The following LRP1B variants were observed in gnomAD, a reference collection of about 807,000 sequenced individuals.
The protein encoded by LRP1B is low-density lipoprotein receptor-related protein 1B.
A neutral mutation model predicts 556.6 loss-of-function variants in LRP1B; 217 were observed. That is an observed-to-expected ratio of 0.39 (90% CI 0.35 to 0.44). The LOEUF (loss-of-function observed/expected upper bound fraction) is 0.44, where lower values mean the gene tolerates loss of function less well. LRP1B is among the 20% of genes least tolerant of loss of function. LRP1B has a pLI of 1.00. For synonymous variants in LRP1B, 2,047 were observed against 1,865.8 expected, an observed-to-expected ratio of 1.10 and a Z score of -2.50; for missense variants, 5,053 against 5,620.8, an observed-to-expected ratio of 0.90 and a Z score of 3.23.
At chr2:141,763,508 C>G (rs1440332305) in intron 2 of LRP1B, among the ~76,000 whole-genome samples, 1 of 152,070 alleles carries the variant, frequency 6.6e-6, no homozygotes, top group African/African-American at 2.4e-5. Context: ...AAACAGAACA[C>G]AAGTATCTCT....
chr2:142,099,788 A>G (rs1706507413), intron 1 of LRP1B, among the ~76,000 whole-genome samples: 1 of 151,936 alleles, frequency 6.6e-6, no homozygotes, highest in Non-Finnish European at 1.5e-5. Context: ...AGAATAATAT[A>G]GTACCCCTCA....
chr2:142,071,886 C>T (rs759890550), intron 1 of LRP1B, among the ~76,000 whole-genome samples: 5 of 151,934 alleles, frequency 3.3e-5, no homozygotes, highest in Non-Finnish European at 7.4e-5. Context: ...TGTTTAAATC[C>T]AGTATGCCCA....
At chr2:141,788,479 A>AG (rs1188848096) in intron 2 of LRP1B, among the ~76,000 whole-genome samples, 2 of 152,022 alleles carry the variant, frequency 1.3e-5, no homozygotes, top group Non-Finnish European at 2.9e-5. Context: ...CTTAGCACTC[A>AG]TTGAATGGTT....
intron 17 of LRP1B, among the ~76,000 whole-genome samples, chr2:140,989,079 A>C (rs549151285): frequency 6.6e-6 from 1 of 152,132 alleles, no homozygotes; most frequent in African/African-American, 2.4e-5. Flanking sequence ...GGGGAAAAAA[A>C]CCTACTTCAC....
At chr2:141,415,070 A>T (rs1309454621) in intron 3 of LRP1B, among the ~76,000 whole-genome samples, 1 of 152,210 alleles carries the variant, frequency 6.6e-6, no homozygotes, top group Non-Finnish European at 1.5e-5. Flanking sequence ...GCTGAAGTGC[A>T]GTGGCGCTAT....
At chr2:141,591,156 C>T (rs1417240835) in intron 2 of LRP1B, among the ~76,000 whole-genome samples, 1 of 152,148 alleles carries the variant, frequency 6.6e-6, no homozygotes, top group Admixed American at 6.5e-5. Flanking sequence ...TCTGTAGTAT[C>T]TCCTGATGCA....
chr2:141,741,245 C>A (rs1435495083), intron 2 of LRP1B, among the ~76,000 whole-genome samples: 1 of 88,190 alleles, frequency 1.1e-5, no homozygotes, highest in Non-Finnish European at 2.2e-5. Flanking sequence ...GCAGTTATCT[C>A]TTCAGTATAC....
In LRP1B at chr2:141,720,872, A is replaced by T. The variant is rs75439448; in HGVS notation, c.205+89407T>A. Among the ~76,000 whole-genome samples the T allele has an allele frequency of 2.9e-3, 438 of 152,268 alleles. 3 individuals are homozygous for T. The highest frequency in any genetic ancestry group is 1.0e-2 in the African/African-American group (415 of 41,580). ...TAAATCAACCATGAGTTGGAAGAGT[A>T]TTTCCAATGCATTTCTACTGGTTGG... On this transcript the variant is annotated intron_variant, in intron 2 of 90. Transcript: ENST00000389484.
At chr2:141,972,366 G>T (rs1056092059) in intron 1 of LRP1B, among the ~76,000 whole-genome samples, 2 of 151,284 alleles carry the variant, frequency 1.3e-5, no homozygotes, top group Admixed American at 6.6e-5. Context: ...ATTCAAATTA[G>T]CAGAAACATT....
chr2:141,036,693 A>G (rs1698542656), intron 11 of LRP1B, among the ~76,000 whole-genome samples: 1 of 152,070 alleles, frequency 6.6e-6, no homozygotes, highest in Non-Finnish European at 1.5e-5. Flanking sequence ...CTTGTTAGTC[A>G]TAGCAAGCAA....
chr2:141,323,880 A>G (rs1357382246), intron 3 of LRP1B, among the ~76,000 whole-genome samples: 1 of 148,212 alleles, frequency 6.7e-6, no homozygotes, highest in Non-Finnish European at 1.5e-5. Context: ...CACATACCTG[A>G]ACAAGGAAAC....
Position 142,082,833 on chromosome 2 carries a change from C to A in LRP1B, c.82+47815G>T, listed in dbSNP as rs376127646. On this transcript the variant is annotated intron_variant, in intron 1 of 90. Transcript: ENST00000389484. ...AATAAAAATATTTAGGGTGTCTTATCTAATATGTATGGGAGAAGACACTAT... is the reference window on the plus strand; with the variant it reads ...AATAAAAATATTTAGGGTGTCTTATATAATATGTATGGGAGAAGACACTAT... 1.2e-4 allele frequency among the ~76,000 whole-genome samples: 18 copies of A among 152,262 alleles called. No individual in the cohort carries two copies. In the South Asian group the frequency reaches 3.7e-3, roughly 32 times the overall value.
intron 1 of LRP1B, among the ~76,000 whole-genome samples, chr2:141,951,494 G>C (rs796733495): frequency 3.3e-5 from 5 of 152,218 alleles, no homozygotes; most frequent in African/African-American, 1.2e-4. Context: ...AATTTTGCCT[G>C]TCGTTGCCAC....
intron 7 of LRP1B, among the ~76,000 whole-genome samples, chr2:141,117,605 G>C (rs896334770): frequency 6.6e-6 from 1 of 151,962 alleles, no homozygotes; most frequent in Non-Finnish European, 1.5e-5. Context: ...TTAACTTCGT[G>C]GTTAAGGAAT....
At chr2:141,907,515 T>C (rs1413583463) in intron 1 of LRP1B, among the ~76,000 whole-genome samples, 1 of 151,984 alleles carries the variant, frequency 6.6e-6, no homozygotes, top group Non-Finnish European at 1.5e-5. Context: ...AGCTCTCTTA[T>C]TTTTAATTAG....
At chr2:140,956,311 C>T (rs1695871146) in intron 18 of LRP1B, among the ~76,000 whole-genome samples, 2 of 151,510 alleles carry the variant, frequency 1.3e-5, no homozygotes, top group Admixed American at 6.6e-5. Flanking sequence ...TGATCAATGC[C>T]AAAATACATT....
chr2:140,810,045 G>C (rs928179107), intron 32 of LRP1B, among the ~76,000 whole-genome samples: 6 of 152,188 alleles, frequency 3.9e-5, no homozygotes, highest in Non-Finnish European at 7.3e-5. Flanking sequence ...AAATAGCAAA[G>C]TGTTTATGAA....
intron 1 of LRP1B, among the ~76,000 whole-genome samples, chr2:141,935,055 T>G: frequency 2.6e-5 from 1 of 39,136 alleles, no homozygotes. Flanking sequence ...GGTGATCTCC[T>G]CTATAAAAAA....
chr2:141,370,899 T>C (rs1340781423), intron 3 of LRP1B, among the ~76,000 whole-genome samples: 2 of 152,202 alleles, frequency 1.3e-5, no homozygotes, highest in African/African-American at 2.4e-5. Flanking sequence ...TATTGAAAAC[T>C]GTATCCTTTC....
Sources: allele counts gnomAD v4.1 joint callset (sites outside exome capture counted in the v4.1 genomes callset), GRCh38; gene constraint gnomAD v4.1.1; transcripts MANE v1.5; gene names NCBI Gene and HGNC (gene_info 2026-07-23, HGNC 2026-07-21).